Variants in B3GLCT observed in about 807,000 individuals in gnomAD.
The protein encoded by B3GLCT is beta-1,3-glucosyltransferase.
A neutral mutation model predicts 63.4 loss-of-function variants in B3GLCT; 65 were observed. The observed-to-expected ratio is 1.03, with a 90% CI of 0.84 to 1.26. B3GLCT has a LOEUF of 1.26. Ranked by LOEUF, B3GLCT falls within the 50% of genes most tolerant of loss-of-function variation. B3GLCT has a pLI of 0.00. For missense variants in B3GLCT, 577 were observed against 604.8 expected (o/e 0.95, Z 0.48); for synonymous variants, 233 against 219.2 (o/e 1.06, Z -0.55).
At chr13:31,262,418 A>G (rs1313641530) in intron 7 of B3GLCT, among the ~76,000 whole-genome samples, 2 of 152,212 alleles carry the variant, frequency 1.3e-5, no homozygotes, top group Non-Finnish European at 2.9e-5. Flanking sequence ...GCATCTGCAC[A>G]GTTTCCCTCC....
Position 31,313,997 on chromosome 13 carries a change from G to A in B3GLCT, c.1065-3569G>A, listed in dbSNP as rs116246687. On this transcript the variant is annotated intron_variant, in intron 12 of 14. Coordinates refer to ENST00000343307, the MANE Select transcript of B3GLCT (RefSeq NM_194318.4). ...AGCTTGGGCTGTGACTTCAGAGAGTGGAAGCCCCAAGCCTTGGCAGCTTCC... is the reference window on the plus strand; with the variant it reads ...AGCTTGGGCTGTGACTTCAGAGAGTAGAAGCCCCAAGCCTTGGCAGCTTCC... 5.5e-3 allele frequency among the ~76,000 whole-genome samples: 837 copies of A among 152,320 alleles called. 12 individuals are homozygous for A. The highest frequency in any genetic ancestry group is 0.019 in the African/African-American group (804 of 41,572).
intron 12 of B3GLCT, among the ~76,000 whole-genome samples, chr13:31,310,326 G>A (rs1874640079): frequency 6.6e-6 from 1 of 152,138 alleles, no homozygotes; most frequent in Non-Finnish European, 1.5e-5. Flanking sequence ...CCTCCACCTG[G>A]CTCACTCTCC....
Position 31,329,751 on chromosome 13 carries a change from C to T in B3GLCT, c.*83C>T, listed in dbSNP as rs1025925854. ...ATCCCACTGTGCTGTGCTCACAACA[C>T]TTGTGTCTGCCACATGGCATTGGGT... On this transcript the variant is annotated 3_prime_UTR_variant, in exon 15 of 15. Coordinates refer to ENST00000343307, the MANE Select transcript of B3GLCT (RefSeq NM_194318.4). 5.1e-5 allele frequency: 75 copies of T among 1,472,686 alleles called. No individual in the cohort carries two copies. In the Middle Eastern group the frequency reaches 6.6e-4, roughly 13 times the overall value. The allele number at this position is 1,472,686 out of a possible 1,614,324, so 91.2% of individuals were successfully genotyped here. A position where few individuals can be genotyped will look rare whatever the true frequency, so the allele number is the denominator to read the frequency against.
At chr13:31,225,052 C>T (rs1385169777) in intron 3 of B3GLCT, among the ~76,000 whole-genome samples, 5 of 152,216 alleles carry the variant, frequency 3.3e-5, no homozygotes, top group Non-Finnish European at 7.3e-5. Context: ...GTCTGCCACT[C>T]ACCATTGGCT....
chr13:31,296,841 T>A (rs1295449243), intron 12 of B3GLCT, among the ~76,000 whole-genome samples: 1 of 152,138 alleles, frequency 6.6e-6, no homozygotes, highest in African/African-American at 2.4e-5. Context: ...ATTAAATACA[T>A]GCATAATGTT....
intron 4 of B3GLCT, among the ~76,000 whole-genome samples, chr13:31,234,151 G>A (rs960187969): frequency 2.6e-5 from 4 of 152,066 alleles, no homozygotes; most frequent in Non-Finnish European, 4.4e-5. Flanking sequence ...CCGAGTAGCT[G>A]GGACTACAGG....
At position 31,199,989 on chromosome 13, in the gene B3GLCT, C is replaced by G; in HGVS notation, c.-96C>G. On this transcript the variant is annotated 5_prime_UTR_variant, in exon 1 of 15. Coordinates refer to ENST00000343307, the MANE Select transcript of B3GLCT (RefSeq NM_194318.4). ...GGGGAGCCGGCAGAGAAGGGTCAGCCGCGGCGGCAGGGCGGCGGCGGCAGC... is the reference window on the plus strand; with the variant it reads ...GGGGAGCCGGCAGAGAAGGGTCAGCGGCGGCGGCAGGGCGGCGGCGGCAGC... 1 of 715,558 alleles carries G rather than the reference C, an allele frequency of 1.4e-6. No homozygotes were observed. The highest frequency in any genetic ancestry group is 1.9e-6 in the Non-Finnish European group (1 of 538,506). 44.3% of individuals were successfully genotyped at this position (715,558 alleles called of 1,614,324 possible).
At chr13:31,248,855 A>G (rs1302795748) in intron 6 of B3GLCT, among the ~76,000 whole-genome samples, 1 of 152,198 alleles carries the variant, frequency 6.6e-6, no homozygotes, top group African/African-American at 2.4e-5. Context: ...TGTAATAATC[A>G]GTTTTGCTGC....
At chr13:31,267,581 T>C (rs910709233) in intron 7 of B3GLCT, among the ~76,000 whole-genome samples, 4 of 152,230 alleles carry the variant, frequency 2.6e-5, no homozygotes, top group African/African-American at 9.6e-5. Context: ...CACAGATCTG[T>C]GGGCAAGTAT....
At chr13:31,308,750 C>G (rs1343223141) in intron 12 of B3GLCT, among the ~76,000 whole-genome samples, 1 of 152,170 alleles carries the variant, frequency 6.6e-6, no homozygotes, top group Non-Finnish European at 1.5e-5. Flanking sequence ...ACACCATACC[C>G]TCTAGTTTCA....
intron 3 of B3GLCT, 148 bp from the exon 4 acceptor site, chr13:31,229,037 T>C: frequency 4.7e-6 from 3 of 635,990 alleles, no homozygotes; most frequent in East Asian, 2.8e-5. Context: ...GAAAATTTTG[T>C]CTCTAGAATT....
rs1873231006 is a variant in B3GLCT, at chr13:31,284,671, G to A, written c.874G>A (p.Glu292Lys). The A allele has an allele frequency of 1.9e-6, 3 of 1,608,488 alleles. No individual in the cohort carries two copies. Among genetic ancestry groups the A allele is most frequent in the South Asian group, 1.1e-5 (1 of 90,970 alleles). ...DRIPIVKQTW[E>K]SQASLIEYYS... ...AGTACCTATTGTTAAGCAGACTTGGGAGAGCCAGGCAAGTCTCATTGAATA... is the reference window on the plus strand; with the variant it reads ...AGTACCTATTGTTAAGCAGACTTGGAAGAGCCAGGCAAGTCTCATTGAATA... Residue 292 changes from glutamate (E) to lysine (K), a missense_variant, in exon 11 of 15, where the codon GAG (glutamate) becomes AAG (lysine). By Grantham distance (56) the Glu-to-Lys change is moderately conservative. Coordinates refer to ENST00000343307, the MANE Select transcript of B3GLCT (RefSeq NM_194318.4).
intron 12 of B3GLCT, chr13:31,311,727 A>G (rs947946703): frequency 6.6e-6 from 1 of 152,044 alleles, no homozygotes; most frequent in Non-Finnish European, 1.5e-5. Context: ...TCTTTCCACA[A>G]TGTCAGACTT....
intron 3 of B3GLCT, among the ~76,000 whole-genome samples, chr13:31,223,523 C>T (rs1038240712): frequency 3.9e-5 from 6 of 152,326 alleles, no homozygotes; most frequent in Admixed American, 3.3e-4. Flanking sequence ...TGTAAGGCAT[C>T]ATACTTCTAT....
chr13:31,268,750 G>A lies in B3GLCT; in HGVS notation c.597-464G>A, dbSNP rs1364392317. Among the ~76,000 whole-genome samples, 3 of 152,162 alleles carry A rather than the reference G, an allele frequency of 2.0e-5. No individual in the cohort carries two copies. In the East Asian group the frequency reaches 5.8e-4, roughly 29 times the overall value. On this transcript the variant is annotated intron_variant, in intron 7 of 14. Transcript: ENST00000343307. ...GTATGGGAAAGGAGCCATTGAAAAT[G>A]TTCAAACAAGACAGTGACTTGAAAT...
At chr13:31,232,589 A>G (rs1870436556) in intron 4 of B3GLCT, among the ~76,000 whole-genome samples, 1 of 152,188 alleles carries the variant, frequency 6.6e-6, no homozygotes, top group South Asian at 2.1e-4. Flanking sequence ...ACAATTCCAC[A>G]TGAGATTTGG....
intron 2 of B3GLCT, among the ~76,000 whole-genome samples, chr13:31,220,443 A>T (rs1869757990): frequency 6.6e-6 from 1 of 152,232 alleles, no homozygotes; most frequent in Non-Finnish European, 1.5e-5. Context: ...AAACCTTGAC[A>T]GTGAGCACAT....
At chr13:31,283,659 A>G (rs1021504183) in intron 10 of B3GLCT, among the ~76,000 whole-genome samples, 1 of 152,034 alleles carries the variant, frequency 6.6e-6, no homozygotes, top group Admixed American at 6.5e-5. Context: ...TATTTTCTAT[A>G]TAAGGGCTGT....
At chr13:31,237,486 T>G (rs2094553749) in intron 4 of B3GLCT, among the ~76,000 whole-genome samples, 1 of 151,782 alleles carries the variant, frequency 6.6e-6, no homozygotes, top group African/African-American at 2.4e-5. Flanking sequence ...CCAGAGCAGC[T>G]GGAGTTACAG....
Sources: allele counts gnomAD v4.1 joint callset (sites outside exome capture counted in the v4.1 genomes callset), GRCh38; gene constraint gnomAD v4.1.1; transcripts MANE v1.5; gene names NCBI Gene and HGNC (gene_info 2026-07-23, HGNC 2026-07-21).